COMMD1: variants seen among roughly 807,000 people sequenced by gnomAD.
The protein encoded by COMMD1 is copper metabolism domain containing 1.
A neutral mutation model predicts 17.2 loss-of-function variants in COMMD1; 10 were observed. That is an observed-to-expected ratio of 0.58 (90% CI 0.36 to 0.99). COMMD1 has a LOEUF of 0.99. COMMD1 is among the 50% of genes least tolerant of loss of function. The probability of loss-of-function intolerance (pLI) is 0.01; values close to 1 mark genes in which losing one functional copy is unlikely to be tolerated. For missense variants in COMMD1, 270 were observed against 231.8 expected (o/e 1.17, Z -1.07); for synonymous variants, 97 against 91.6 (o/e 1.06, Z -0.34).
chr2:62,041,765 G>A (rs189710662), intron 2 of COMMD1, among the ~76,000 whole-genome samples: 106 of 152,254 alleles, frequency 7.0e-4, no homozygotes, highest in Admixed American at 2.0e-3. Flanking sequence ...TCTGGAGTTC[G>A]TTCCTTCAGA....
At chr2:61,930,615 TTTTG>T (rs1366804018) in intron 1 of COMMD1, among the ~76,000 whole-genome samples, 12 of 97,122 alleles carry the variant, frequency 1.2e-4, no homozygotes, top group African/African-American at 4.7e-4. Flanking sequence ...AACCACAGGG[TTTTG>T]TGTGTGTGTG....
intron 2 of COMMD1, 39 bp downstream of exon 2, chr2:62,001,021 A>G (rs1215457386): frequency 3.8e-6 from 6 of 1,572,296 alleles, no homozygotes; most frequent in Non-Finnish European, 5.2e-6. Flanking sequence ...TGTAAACTGT[A>G]TTTTTCACTA....
chr2:61,987,490 T>C (rs1016817655), intron 1 of COMMD1, among the ~76,000 whole-genome samples: 3 of 152,178 alleles, frequency 2.0e-5, no homozygotes, highest in Non-Finnish European at 4.4e-5. Flanking sequence ...ATTCTTTCTA[T>C]TGCCAGGCAG....
intron 1 of COMMD1, among the ~76,000 whole-genome samples, chr2:61,994,110 T>C (rs918650862): frequency 3.9e-5 from 6 of 152,026 alleles, no homozygotes; most frequent in Non-Finnish European, 5.9e-5. Context: ...CATCGGCCTC[T>C]CGAGTAGGTG....
chr2:62,000,661 A>G, intron 1 of COMMD1, 40 bp from the exon 2 acceptor site: 18 of 1,592,640 alleles, frequency 1.1e-5, no homozygotes, highest in Non-Finnish European at 1.6e-5. Flanking sequence ...CTAATTACCT[A>G]TTTAATTCAA....
intron 2 of COMMD1, chr2:62,055,505 T>C (rs573902950): frequency 1.5e-4 from 67 of 455,674 alleles, no homozygotes; most frequent in African/African-American, 1.0e-3. Context: ...CGGCTATCCA[T>C]TGAAGCCATG....
chr2:62,018,025 G>A (rs1041421698), intron 2 of COMMD1, among the ~76,000 whole-genome samples: 2 of 151,942 alleles, frequency 1.3e-5, no homozygotes, highest in Admixed American at 6.6e-5. Context: ...CTCCAGCCTG[G>A]GCGTCAGAGC....
chr2:61,961,488 C>T (rs1293425752), intron 1 of COMMD1, among the ~76,000 whole-genome samples: 1 of 152,118 alleles, frequency 6.6e-6, no homozygotes, highest in Non-Finnish European at 1.5e-5. Context: ...CAAGCTAGGA[C>T]AGCTGATTTG....
Position 62,028,999 on chromosome 2 carries a change from A to G in COMMD1, c.462+28017A>G, listed in dbSNP as rs146902894. On this transcript the variant is annotated intron_variant, in intron 2 of 2. Coordinates refer to ENST00000311832, the MANE Select transcript of COMMD1 (RefSeq NM_152516.4). ...CAATTTATGAGATAGGTAGGAAGATATGGTTGACTCTCCAAAGGGATGCTA... is the reference window on the plus strand; with the variant it reads ...CAATTTATGAGATAGGTAGGAAGATGTGGTTGACTCTCCAAAGGGATGCTA... Among the ~76,000 whole-genome samples the G allele has an allele frequency of 6.7e-3, 1,025 of 152,296 alleles. 13 individuals are homozygous for G. Among genetic ancestry groups the G allele is most frequent in the African/African-American group, 0.023 (966 of 41,558 alleles).
At chr2:62,133,288 A>T (rs1054923625) in intron 2 of COMMD1, among the ~76,000 whole-genome samples, 1 of 152,194 alleles carries the variant, frequency 6.6e-6, no homozygotes, top group African/African-American at 2.4e-5. Context: ...CAGCAAAACC[A>T]ACTCCTGAAT....
At chr2:62,046,628 C>G (rs921239346) in intron 2 of COMMD1, among the ~76,000 whole-genome samples, 8 of 152,218 alleles carry the variant, frequency 5.3e-5, no homozygotes, top group African/African-American at 1.9e-4. Context: ...CTTATGCCTA[C>G]TATATTGTCT....
intron 2 of COMMD1, among the ~76,000 whole-genome samples, chr2:62,047,402 C>T (rs938120403): frequency 6.6e-6 from 1 of 152,154 alleles, no homozygotes; most frequent in Admixed American, 6.5e-5. Flanking sequence ...GACAGACTCA[C>T]CTGAGCATCC....
At chr2:62,099,947 A>G (rs1003924134) in intron 2 of COMMD1, among the ~76,000 whole-genome samples, 3 of 152,030 alleles carry the variant, frequency 2.0e-5, no homozygotes, top group African/African-American at 4.8e-5. Flanking sequence ...TCACTCTCTC[A>G]TTTGCTTATG....
chr2:62,039,265 A>G (rs1278012297), intron 2 of COMMD1, among the ~76,000 whole-genome samples: 1 of 152,240 alleles, frequency 6.6e-6, no homozygotes, highest in African/African-American at 2.4e-5. Context: ...AACCATTCCT[A>G]GCTTGTATAT....
At chr2:62,045,439 C>G (rs10188721) in intron 2 of COMMD1, among the ~76,000 whole-genome samples, 38 of 152,220 alleles carry the variant, frequency 2.5e-4, no homozygotes, top group African/African-American at 8.7e-4. Context: ...AGAGTTCAGG[C>G]CCCTCCCATA....
In COMMD1 at chr2:62,052,586, G is replaced by T. The variant is rs566339334; in HGVS notation, c.462+51604G>T. 2.0e-5 allele frequency among the ~76,000 whole-genome samples: 3 copies of T among 152,262 alleles called. No individual in the cohort carries two copies. The East Asian group carries it at 5.8e-4, about 29-fold the overall frequency. ...TAAAGGTACATATCTCCTGACATGA[G>T]CTATTTGTTAACATATTCACATAAT... On this transcript the variant is annotated intron_variant, in intron 2 of 2. Coordinates refer to ENST00000311832, the MANE Select transcript of COMMD1 (RefSeq NM_152516.4).
chr2:62,122,036 C>T lies in COMMD1; in HGVS notation c.463-13795C>T, dbSNP rs962449259. Among the ~76,000 whole-genome samples the T allele has an allele frequency of 9.2e-5, 14 of 152,174 alleles. 1 individual carries two copies. Among genetic ancestry groups the T allele is most frequent in the Non-Finnish European group, 1.5e-4 (10 of 68,042 alleles). ...AAACTCCTGGGCTCAAGTGATCCGC[C>T]TACATAGGCCTCCCAAAGTGCTAGG... On this transcript the variant is annotated intron_variant, in intron 2 of 2. Transcript: ENST00000311832.
At chr2:62,121,485 T>A (rs1475469179) in intron 2 of COMMD1, among the ~76,000 whole-genome samples, 1 of 149,420 alleles carries the variant, frequency 6.7e-6, no homozygotes, top group Non-Finnish European at 1.5e-5. Context: ...ATACCTGTAA[T>A]CCCAACACTT....
At chr2:62,060,206 C>T (rs1481351937) in intron 2 of COMMD1, among the ~76,000 whole-genome samples, 3 of 152,058 alleles carry the variant, frequency 2.0e-5, no homozygotes, top group African/African-American at 7.2e-5. Flanking sequence ...TGGCACACAC[C>T]TGTAGTCCCA....
Sources: allele counts gnomAD v4.1 joint callset (sites outside exome capture counted in the v4.1 genomes callset), GRCh38; gene constraint gnomAD v4.1.1; transcripts MANE v1.5; gene names NCBI Gene and HGNC (gene_info 2026-07-23, HGNC 2026-07-21).